The following RBM34 variants were observed in gnomAD, a reference collection of about 807,000 sequenced individuals.
The protein encoded by RBM34 is RNA binding motif protein 34, also known as RNA-binding protein 34.
A neutral mutation model predicts 44.6 loss-of-function variants in RBM34; 39 were observed. The observed-to-expected ratio is 0.87, with a 90% CI of 0.68 to 1.14. The LOEUF is 1.14. RBM34 is among the 50% of genes most tolerant of loss of function. The pLI is 0.00. For missense variants in RBM34, 572 were observed against 517.9 expected, an observed-to-expected ratio of 1.10 and a Z score of -1.01; for synonymous variants, 194 against 184.0, an observed-to-expected ratio of 1.05 and a Z score of -0.44.
chr1:235,152,515 C>A, intron 5 of RBM34, 191 bp downstream of exon 5: 1 of 1,320,492 alleles, frequency 7.6e-7, no homozygotes, highest in Non-Finnish European at 9.7e-7. Context: ...ATTAAGTAAA[C>A]TCAATACATT....
At chr1:235,140,494 C>T (rs1186183610) in intron 6 of RBM34, among the ~76,000 whole-genome samples, 7 of 152,218 alleles carry the variant, frequency 4.6e-5, no homozygotes, top group African/African-American at 1.2e-4. Context: ...ACTGGCGCTA[C>T]GCTCGATTTC....
chr1:235,153,042 G>T lies in RBM34; in HGVS notation c.598-277C>A, dbSNP rs148517589. On this transcript the variant is annotated intron_variant, in intron 4 of 10. Transcript: ENST00000408888. ...CCGCCACCATGCTCAGCTAATTTTC[G>T]TATTTTTAGTAGAGACGGGGTTTCG... Among the ~76,000 whole-genome samples, 1,028 of 152,094 alleles carry T rather than the reference G, an allele frequency of 6.8e-3. 15 individuals are homozygous for T. The highest frequency in any genetic ancestry group is 0.024 in the African/African-American group (981 of 41,518).
chr1:235,160,775 C>G, intron 2 of RBM34, 118 bp downstream of exon 2: 1 of 1,512,774 alleles, frequency 6.6e-7, no homozygotes. Context: ...TGAAAGGTTA[C>G]TTAAAATGAA....
At chr1:235,135,627 G>T (rs374748102) in intron 10 of RBM34, 25 bp downstream of exon 10, 3 of 1,571,630 alleles carry the variant, frequency 1.9e-6, no homozygotes, top group African/African-American at 2.7e-5. Context: ...TCGAAGGACA[G>T]TGACAATGCA....
chr1:235,132,983 C>T (rs112422746), intron 10 of RBM34, among the ~76,000 whole-genome samples: 80 of 152,326 alleles, frequency 5.3e-4, no homozygotes, highest in African/African-American at 1.9e-3. Context: ...GGTAACACAT[C>T]TTAACCTAGT....
chr1:235,151,329 T>C (rs1294726866), intron 5 of RBM34, among the ~76,000 whole-genome samples: 2 of 152,018 alleles, frequency 1.3e-5, no homozygotes, highest in Non-Finnish European at 2.9e-5. Flanking sequence ...TAAGCAGATA[T>C]ATTGAAATCA....
At position 235,161,054 on chromosome 1, in the gene RBM34, C is replaced by T. The variant is rs747342439; in HGVS notation, c.67G>A (p.Asp23Asn). Residue 23 changes from aspartate (D) to asparagine (N), a missense_variant, in exon 2 of 11, where the codon GAC becomes AAC. Transcript: ENST00000408888. ...TCCGGCGGACTCCCGCGAACGCCGT[C>T]GTCAGGATTCTCTCTAGAAATGGAC... ...RSVQEGENPD[D>N]GVRGSPPEDY... 5.6e-6 allele frequency: 9 copies of T among 1,613,792 alleles called. No homozygotes were observed. In the African/African-American group the frequency reaches 1.1e-4, roughly 19 times the overall value.
At chr1:235,152,668 T>C (rs372893274) in intron 5 of RBM34, 38 bp downstream of exon 5, 1 of 1,589,844 alleles carries the variant, frequency 6.3e-7, no homozygotes, top group Non-Finnish European at 8.5e-7. Flanking sequence ...TGCAATAAAT[T>C]TTAATATTAT....
chr1:235,138,340 A>G (rs1387009708), intron 6 of RBM34, among the ~76,000 whole-genome samples, 166 bp from the exon 7 acceptor site: 1 of 152,076 alleles, frequency 6.6e-6, no homozygotes, highest in Non-Finnish European at 1.5e-5. Flanking sequence ...TAATAACTCA[A>G]AAAATAACAC....
intron 6 of RBM34, among the ~76,000 whole-genome samples, chr1:235,141,112 A>G (rs2102835279): frequency 6.6e-6 from 1 of 150,814 alleles, no homozygotes; most frequent in Admixed American, 6.6e-5. Flanking sequence ...CTCTGTATCT[A>G]GCTCAAGGTT....
Position 235,160,541 on chromosome 1 carries a change from T to G in RBM34, c.335A>C (p.His112Pro), listed in dbSNP as rs763904856. ...TGCCAACTTTTTTTCTGCGTTAGTGTGTTTCTTCTTCGCTTTCACTTTTTT... is the reference window on the plus strand; with the variant it reads ...TGCCAACTTTTTTTCTGCGTTAGTGGGTTTCTTCTTCGCTTTCACTTTTTT... ...PAKKVKAKKK[H>P]TNAEKKLADR... is the part of the protein sequence containing the mutation. Residue 112 changes from histidine to proline, a missense_variant, in exon 3 of 11, where the codon CAC (histidine) becomes CCC (proline). Transcript: ENST00000408888. 1 of 1,613,716 alleles carries G rather than the reference T, an allele frequency of 6.2e-7. No individual in the cohort carries two copies. Among genetic ancestry groups the G allele is most frequent in the East Asian group, 2.2e-5 (1 of 44,884 alleles).
rs1196491963 is a variant in RBM34, at chr1:235,137,873, T to G, written c.849+4A>C. The G allele has an allele frequency of 6.3e-7, 1 of 1,589,450 alleles. No individual in the cohort carries two copies. Among genetic ancestry groups the G allele is most frequent in the Non-Finnish European group, 8.6e-7 (1 of 1,161,254 alleles). On this transcript the variant is annotated splice_donor_region_variant and intron_variant, in intron 8 of 10. Coordinates refer to ENST00000408888, the MANE Select transcript of RBM34 (RefSeq NM_015014.4). ...GTTCTTTAAACAAATCAAGTACTAC[T>G]TACAGATGAGGTCTCAGATGCGAGA...
chr1:235,143,810 TAAAC>T (rs2102840167), intron 6 of RBM34, among the ~76,000 whole-genome samples: 1 of 152,266 alleles, frequency 6.6e-6, no homozygotes, highest in Non-Finnish European at 1.5e-5. Flanking sequence ...GGTGAATGGA[TAAAC>T]AAATACTGTC....
chr1:235,155,862 T>TATATACAC (rs1662414919), intron 3 of RBM34, among the ~76,000 whole-genome samples: 7 of 40,000 alleles, frequency 1.7e-4, no homozygotes, highest in African/African-American at 8.4e-4. Context: ...TATATATATA[T>TATATACAC]ATATACATAT....
At chr1:235,138,252 A>C in intron 6 of RBM34, 78 bp from the exon 7 acceptor site, 4 of 1,208,534 alleles carry the variant, frequency 3.3e-6, no homozygotes, top group Non-Finnish European at 4.6e-6. Flanking sequence ...CTAGAAAAAA[A>C]TCTAGCTGTT....
chr1:235,141,734 G>A lies in RBM34; in HGVS notation c.702-3560C>T, dbSNP rs566104346. Among the ~76,000 whole-genome samples the A allele has an allele frequency of 5.2e-4, 79 of 152,194 alleles. 1 individual carries two copies. In the Middle Eastern group the frequency reaches 0.01, roughly 20 times the overall value. On this transcript the variant is annotated intron_variant, in intron 6 of 10. Transcript: ENST00000408888. ...AAGCCAGCGAGACCACGAGGCCACC[G>A]GGAGGAACGAACAACTCCAGACGCG...
intron 3 of RBM34, chr1:235,156,651 G>A (rs1395122674): frequency 2.2e-6 from 1 of 464,972 alleles, no homozygotes; most frequent in South Asian, 1.6e-5. Flanking sequence ...ATATGGATAA[G>A]CAAGGTCTGA....
chr1:235,141,266 G>A (rs1661672362), intron 6 of RBM34, among the ~76,000 whole-genome samples: 1 of 151,124 alleles, frequency 6.6e-6, no homozygotes, highest in Non-Finnish European at 1.5e-5. Flanking sequence ...TCGGCACTCT[G>A]TATCTAGCTC....
At chr1:235,140,019 G>A (rs994016212) in intron 6 of RBM34, among the ~76,000 whole-genome samples, 1 of 152,250 alleles carries the variant, frequency 6.6e-6, no homozygotes, top group African/African-American at 2.4e-5. Context: ...GGGAAAGGCT[G>A]AGATCGCAGC....
Sources: allele counts gnomAD v4.1 joint callset (sites outside exome capture counted in the v4.1 genomes callset), GRCh38; gene constraint gnomAD v4.1.1; transcripts MANE v1.5; gene names NCBI Gene and HGNC (gene_info 2026-07-23, HGNC 2026-07-21).